BCAS1: variants seen among roughly 807,000 people sequenced by gnomAD.
The protein encoded by BCAS1 is brain enriched myelin associated protein 1.
A neutral mutation model predicts 65.4 loss-of-function variants in BCAS1; 46 were observed. The observed-to-expected ratio is 0.70, with a 90% CI of 0.55 to 0.90. The LOEUF is 0.90. Among genes scored for constraint, BCAS1 ranks in the 40% least tolerant of loss-of-function variants. BCAS1 has a pLI of 0.00. For synonymous variants in BCAS1, 298 were observed against 293.5 expected (o/e 1.02, Z -0.16); for missense variants, 793 against 771.2 (o/e 1.03, Z -0.33).
At chr20:53,964,246 C>T (rs919478721) in intron 10 of BCAS1, among the ~76,000 whole-genome samples, 3 of 152,098 alleles carry the variant, frequency 2.0e-5, no homozygotes, top group Non-Finnish European at 4.4e-5. Flanking sequence ...ACTCAAATAC[C>T]CACAGGGAAA....
At chr20:53,960,696 C>G (rs2299735) in intron 10 of BCAS1, among the ~76,000 whole-genome samples, 33,706 of 151,812 alleles carry the variant, frequency 0.22, 4,716 homozygotes, top group Non-Finnish European at 0.31. Flanking sequence ...TTCTTTCCTT[C>G]CTTCCTTCCT....
At chr20:53,995,857 T>C (rs2090892545) in intron 5 of BCAS1, 35 bp downstream of exon 5, 4 of 1,555,400 alleles carry the variant, frequency 2.6e-6, no homozygotes, top group Non-Finnish European at 3.5e-6. Context: ...TTTTGAGCAA[T>C]AGAGTGGAGG....
chr20:54,008,705 C>A (rs550106816), intron 4 of BCAS1, among the ~76,000 whole-genome samples: 31 of 148,382 alleles, frequency 2.1e-4, no homozygotes, highest in African/African-American at 8.2e-4. Context: ...ACTTGTCATA[C>A]CATACCAAGA....
intron 7 of BCAS1, among the ~76,000 whole-genome samples, chr20:53,987,978 G>T (rs1261337749): frequency 6.6e-6 from 1 of 152,132 alleles, no homozygotes; most frequent in Admixed American, 6.5e-5. Context: ...ATCTCCATTT[G>T]CCCAGTGGTC....
At chr20:54,041,267 G>C (rs290472) in intron 3 of BCAS1, among the ~76,000 whole-genome samples, 2,171 of 151,426 alleles carry the variant, frequency 0.014, 116 homozygotes, top group Non-Finnish European at 0.022. Flanking sequence ...TGCACACATG[G>C]TGCAAATATC....
chr20:54,039,896 T>C (rs930741221), intron 3 of BCAS1, among the ~76,000 whole-genome samples: 3 of 151,412 alleles, frequency 2.0e-5, no homozygotes, highest in African/African-American at 7.3e-5. Context: ...ACAGGGACTG[T>C]ATCTGTCCTT....
At chr20:54,013,832 A>G (rs569514106) in intron 4 of BCAS1, among the ~76,000 whole-genome samples, 2 of 152,342 alleles carry the variant, frequency 1.3e-5, no homozygotes, top group Admixed American at 1.3e-4. Context: ...AACAGAGTGC[A>G]TATTATGTTA....
At chr20:53,957,309 G>T in intron 11 of BCAS1, 123 bp downstream of exon 11, 1 of 845,714 alleles carries the variant, frequency 1.2e-6, no homozygotes, top group East Asian at 2.5e-5. Flanking sequence ...GCATATAGTA[G>T]GTGCTTAATC....
intron 1 of BCAS1, among the ~76,000 whole-genome samples, chr20:54,062,287 C>T (rs1314431079): frequency 3.9e-5 from 6 of 152,248 alleles, no homozygotes; most frequent in African/African-American, 1.4e-4. Context: ...TTGGTGAGTG[C>T]TTACCATCTG....
At chr20:54,013,152 A>G (rs1411954443) in intron 4 of BCAS1, among the ~76,000 whole-genome samples, 1 of 152,262 alleles carries the variant, frequency 6.6e-6, no homozygotes, top group Non-Finnish European at 1.5e-5. Context: ...AAAGACATAT[A>G]GGAATTTAGT....
chr20:53,965,130 G>A (rs2089993698), intron 10 of BCAS1, among the ~76,000 whole-genome samples: 1 of 152,200 alleles, frequency 6.6e-6, no homozygotes, highest in Non-Finnish European at 1.5e-5. Context: ...TGGCCAATGA[G>A]ATAGATGGGG....
At chr20:53,984,194 C>G (rs1219949819) in intron 8 of BCAS1, among the ~76,000 whole-genome samples, 1 of 152,138 alleles carries the variant, frequency 6.6e-6, no homozygotes. Flanking sequence ...CCACTTAAGT[C>G]TTCTCTCTTG....
chr20:53,994,921 ATG>A, intron 6 of BCAS1, 89 bp downstream of exon 6: 2 of 1,054,128 alleles, frequency 1.9e-6, no homozygotes, highest in Non-Finnish European at 2.9e-6. Flanking sequence ...ACACACATAT[ATG>A]TATTCAAAAA....
At chr20:53,994,896 C>CACACAT (rs2145841467) in intron 6 of BCAS1, 116 bp downstream of exon 6, 1 of 450,436 alleles carries the variant, frequency 2.2e-6, no homozygotes, top group Non-Finnish European at 4.1e-6. Context: ...GATACACACA[C>CACACAT]ACACACACAC....
At chr20:53,993,831 G>T (rs1467962138) in intron 6 of BCAS1, among the ~76,000 whole-genome samples, 2 of 152,194 alleles carry the variant, frequency 1.3e-5, no homozygotes, top group African/African-American at 4.8e-5. Context: ...AATGGAAGAA[G>T]AAAATTCTCG....
At chr20:53,985,599 T>C in intron 7 of BCAS1, 100 bp from the exon 8 acceptor site, 1 of 1,019,596 alleles carries the variant, frequency 9.8e-7, no homozygotes, top group Non-Finnish European at 1.4e-6. Context: ...AGGTTATACA[T>C]AATGTTAATT....
chr20:53,977,774 T>G (rs2090371572), intron 8 of BCAS1, among the ~76,000 whole-genome samples: 1 of 152,222 alleles, frequency 6.6e-6, no homozygotes, highest in Non-Finnish European at 1.5e-5. Flanking sequence ...ATTGCTATTT[T>G]ATATTTTTAA....
At position 54,011,232 on chromosome 20, in the gene BCAS1, A is replaced by T. The variant is rs1470900941; in HGVS notation, c.724-15182T>A. ...ATAAAAAGAAAACATAATAAATTGG[A>T]ATTCATCAAAACTAAAAAATTTTGC... is the stretch of plus-strand genomic sequence containing the variant. On this transcript the variant is annotated intron_variant, in intron 4 of 12. Transcript: ENST00000688948. Among the ~76,000 whole-genome samples, 4 of 152,286 alleles carry T rather than the reference A, an allele frequency of 2.6e-5. No individual in the cohort carries two copies. In the East Asian group the frequency reaches 7.7e-4, roughly 29 times the overall value.
intron 4 of BCAS1, among the ~76,000 whole-genome samples, chr20:54,022,383 G>A (rs1043707209): frequency 4.6e-5 from 7 of 152,088 alleles, no homozygotes; most frequent in Non-Finnish European, 5.9e-5. Flanking sequence ...ACTCTGAAAA[G>A]CCATTTGATC....
Sources: gnomAD v4.1 joint callset for allele counts (sites outside exome capture counted in the v4.1 genomes callset) on GRCh38, gnomAD v4.1.1 for gene constraint, MANE v1.5 for transcripts, NCBI Gene and HGNC (gene_info 2026-07-23, HGNC 2026-07-21) for gene names.